Variants in ELAVL2 observed in about 807,000 individuals in gnomAD.
ELAVL2 encodes ELAV-like protein 2.
In ELAVL2, 4 loss-of-function variants were observed where a neutral mutation model predicts 34.6. The ratio of observed to expected loss-of-function variants is 0.12; its 90% confidence interval spans 0.06 to 0.26. The LOEUF (loss-of-function observed/expected upper bound fraction) is 0.26. Among genes scored for constraint, ELAVL2 ranks in the 10% least tolerant of loss-of-function variants. ELAVL2 has a pLI of 1.00. For missense variants in ELAVL2, 432 were observed against 442.8 expected (o/e 0.98, Z 0.22); for synonymous variants, 193 against 154.8 (o/e 1.25, Z -1.83).
chr9:23,780,522 C>T (rs1564434033), intron 1 of ELAVL2, among the ~76,000 whole-genome samples: 1 of 152,068 alleles, frequency 6.6e-6, no homozygotes, highest in Non-Finnish European at 1.5e-5. Flanking sequence ...GGTCAATTTC[C>T]TGTGACCTTC....
intron 1 of ELAVL2, among the ~76,000 whole-genome samples, chr9:23,796,694 A>G (rs1181357961): frequency 6.6e-6 from 1 of 152,128 alleles, no homozygotes; most frequent in African/African-American, 2.4e-5. Context: ...ATCTATACGT[A>G]GAGTTAGTTC....
At chr9:23,814,520 C>G (rs1047508196) in intron 1 of ELAVL2, among the ~76,000 whole-genome samples, 2 of 152,078 alleles carry the variant, frequency 1.3e-5, no homozygotes, top group African/African-American at 2.4e-5. Context: ...CACTGATGAC[C>G]TCGTATTTGG....
chr9:23,716,811 G>A (rs1193954838), intron 3 of ELAVL2, among the ~76,000 whole-genome samples: 1 of 152,154 alleles, frequency 6.6e-6, no homozygotes, highest in East Asian at 1.9e-4. Flanking sequence ...AATAATCCAA[G>A]GCAATGGAGA....
the ELAVL2 span, among the ~76,000 whole-genome samples, chr9:23,848,703 A>G: frequency 1.3e-5 from 2 of 152,234 alleles, no homozygotes; most frequent in African/African-American, 4.8e-5. Context: ...CAGGAAGTTT[A>G]TAATTTAAAA....
chr9:23,748,841 T>C (rs1044148914), intron 2 of ELAVL2, among the ~76,000 whole-genome samples: 2 of 152,160 alleles, frequency 1.3e-5, no homozygotes, highest in African/African-American at 4.8e-5. Flanking sequence ...TAGTATCTCC[T>C]GAAAACAATT....
intron 2 of ELAVL2, among the ~76,000 whole-genome samples, chr9:23,737,299 G>A (rs140321163): frequency 6.6e-6 from 1 of 152,304 alleles, no homozygotes; most frequent in East Asian, 1.9e-4. Flanking sequence ...TGTTCCTCAT[G>A]TCCCTACATT....
At chr9:23,768,267 T>C (rs2136217002) in intron 1 of ELAVL2, among the ~76,000 whole-genome samples, 1 of 152,296 alleles carries the variant, frequency 6.6e-6, no homozygotes, top group East Asian at 1.9e-4. Flanking sequence ...TTCACTCTTC[T>C]AGCTTTGTTT....
chr9:23,750,975 A>G (rs966376557), intron 2 of ELAVL2, among the ~76,000 whole-genome samples: 1 of 152,160 alleles, frequency 6.6e-6, no homozygotes, highest in Non-Finnish European at 1.5e-5. Context: ...CCTCCCTTAA[A>G]CTTTACTTTA....
chr9:23,776,739 C>CAAAAAAAAAAAAAAAAAAAAAAAAAAA (rs34583759), intron 1 of ELAVL2, among the ~76,000 whole-genome samples: 1 of 77,710 alleles, frequency 1.3e-5, no homozygotes, highest in Non-Finnish European at 2.7e-5. Flanking sequence ...AGTTTGCTAT[C>CAAAAAAAAAAAAAAAAAAAAAAAAAAA]AAAAAAAAAA....
chr9:23,811,054 A>T (rs941270786), intron 1 of ELAVL2, among the ~76,000 whole-genome samples: 3 of 152,188 alleles, frequency 2.0e-5, no homozygotes, highest in Admixed American at 6.5e-5. Context: ...GGAAGTTACC[A>T]TAGAAGTTGT....
the ELAVL2 span, among the ~76,000 whole-genome samples, chr9:23,837,552 T>C: frequency 6.6e-6 from 1 of 152,156 alleles, no homozygotes; most frequent in East Asian, 1.9e-4. Context: ...CTGAGGAAGT[T>C]AAGTAATTTG....
chr9:23,820,672 G>A (rs922018635), intron 1 of ELAVL2, among the ~76,000 whole-genome samples: 4 of 152,172 alleles, frequency 2.6e-5, no homozygotes, highest in African/African-American at 9.6e-5. Flanking sequence ...CACGGCCACT[G>A]GAGGAGCACC....
intron 1 of ELAVL2, among the ~76,000 whole-genome samples, chr9:23,816,858 C>T (rs1427880289): frequency 5.9e-5 from 9 of 152,134 alleles, no homozygotes; most frequent in Non-Finnish European, 1.3e-4. Context: ...CTAGACTAAG[C>T]TCTGATATTC....
At chr9:23,702,951 CAAAAAAAAAAAAAAAAAAA>C (rs58828236) in intron 4 of ELAVL2, among the ~76,000 whole-genome samples, 1 of 47,626 alleles carries the variant, frequency 2.1e-5, no homozygotes, top group Non-Finnish European at 4.0e-5. Flanking sequence ...ATCAGATTAG[CAAAAAAAAAAAAAAAAAAA>C]AAAAAAAAAA....
intron 3 of ELAVL2, among the ~76,000 whole-genome samples, chr9:23,707,625 C>T (rs542882585): frequency 7.9e-5 from 12 of 152,296 alleles, no homozygotes; most frequent in South Asian, 4.2e-4. Context: ...AACAGCTAAT[C>T]GGTGTGCCTG....
At chr9:23,787,065 A>G (rs927618967) in intron 1 of ELAVL2, among the ~76,000 whole-genome samples, 1 of 152,190 alleles carries the variant, frequency 6.6e-6, no homozygotes, top group Non-Finnish European at 1.5e-5. Flanking sequence ...AAACATGAGG[A>G]AAGGGCAACA....
chr9:23,693,561 T>C (rs2033985595), intron 5 of ELAVL2, 75 bp from the exon 6 acceptor site: 2 of 1,535,724 alleles, frequency 1.3e-6, no homozygotes, highest in Non-Finnish European at 1.8e-6. Flanking sequence ...GGCTCATTAC[T>C]GCCATCTTCC....
At chr9:23,828,098 C>T (rs575791437), upstream of ELAVL2, among the ~76,000 whole-genome samples, 1 of 152,266 alleles carries the variant, frequency 6.6e-6, no homozygotes, top group South Asian at 2.1e-4. Context: ...AAAAGGAAGA[C>T]TCCACCCCAT....
intron 1 of ELAVL2, among the ~76,000 whole-genome samples, chr9:23,795,936 G>T (rs1221605014): frequency 1.3e-5 from 2 of 152,080 alleles, no homozygotes; most frequent in African/African-American, 4.8e-5. Context: ...TACAAACCGG[G>T]GGAAAAATGC....
Sources: allele counts gnomAD v4.1 joint callset (sites outside exome capture counted in the v4.1 genomes callset), GRCh38; gene constraint gnomAD v4.1.1; transcripts MANE v1.5; gene names NCBI Gene and HGNC (gene_info 2026-07-23, HGNC 2026-07-21).